The following CAMK4 variants were observed in gnomAD, a reference collection of about 807,000 sequenced individuals.
CAMK4 encodes calcium/calmodulin dependent protein kinase IV, also known as calcium/calmodulin-dependent protein kinase type IV.
CAMK4 carries 22 observed loss-of-function variants against 44.9 expected under a neutral mutation model. That is an observed-to-expected ratio of 0.49 (90% confidence interval 0.35 to 0.70). CAMK4 has a LOEUF of 0.70. CAMK4 is among the 30% of genes least tolerant of loss of function. The probability of loss-of-function intolerance (pLI) is 0.01; values close to 1 mark genes in which losing one functional copy is unlikely to be tolerated. For missense variants in CAMK4, 498 were observed against 586.8 expected (o/e 0.85, Z 1.56); for synonymous variants, 218 against 215.4 (o/e 1.01, Z -0.11).
intron 4 of CAMK4, among the ~76,000 whole-genome samples, chr5:111,381,645 CAGGAACAAT>C (rs1368567159): frequency 2.6e-5 from 4 of 152,188 alleles, no homozygotes; most frequent in Non-Finnish European, 5.9e-5. Context: ...CAGACACACC[CAGGAACAAT>C]ACTTTACATC....
chr5:111,352,666 A>AGAGG (rs1251122355), intron 2 of CAMK4, among the ~76,000 whole-genome samples: 10 of 130,136 alleles, frequency 7.7e-5, no homozygotes, highest in Admixed American at 2.4e-4. Flanking sequence ...AGAGAGAGGG[A>AGAGG]GAGGGAGGGA....
At chr5:111,292,010 T>C (rs1256688693) in intron 1 of CAMK4, among the ~76,000 whole-genome samples, 1 of 152,216 alleles carries the variant, frequency 6.6e-6, no homozygotes, top group African/African-American at 2.4e-5. Context: ...AAAGCCACAA[T>C]GGGTATATAT....
At chr5:111,266,462 CA>C (rs1750251610) in intron 1 of CAMK4, among the ~76,000 whole-genome samples, 1 of 152,170 alleles carries the variant, frequency 6.6e-6, no homozygotes, top group Non-Finnish European at 1.5e-5. Context: ...TATGAATTCT[CA>C]AAATGCCCAC....
At chr5:111,326,975 G>C (rs574820968) in intron 1 of CAMK4, among the ~76,000 whole-genome samples, 2 of 151,752 alleles carry the variant, frequency 1.3e-5, no homozygotes, top group South Asian at 4.2e-4. Flanking sequence ...AAAATAGAAA[G>C]CTGAGTGCTT....
chr5:111,396,102 C>A (rs1337276577), intron 5 of CAMK4, among the ~76,000 whole-genome samples: 2 of 152,030 alleles, frequency 1.3e-5, no homozygotes, highest in Non-Finnish European at 2.9e-5. Context: ...ATCTAACTAG[C>A]CTCTGTACCA....
rs1755899898 is a variant in CAMK4, at chr5:111,492,798, G to T, written c.*8332G>T. 6.6e-6 allele frequency: 1 copy of T among 152,154 alleles called. No homozygotes were observed. The highest frequency in any genetic ancestry group is 2.1e-4 in the South Asian group (1 of 4,832). 9.4% of individuals were successfully genotyped at this position (152,154 alleles called of 1,614,324 possible). On this transcript the variant is annotated 3_prime_UTR_variant, in exon 11 of 11. Coordinates refer to ENST00000282356, the MANE Select transcript of CAMK4 (RefSeq NM_001744.6). ...CCTCCAGGAGTGAGCTTTGTAGTTG[G>T]AGAGAAAAGCCAACCTTATAGATAC...
chr5:111,434,325 T>C (rs1333075560), intron 5 of CAMK4, among the ~76,000 whole-genome samples: 1 of 149,710 alleles, frequency 6.7e-6, no homozygotes, highest in Non-Finnish European at 1.5e-5. Flanking sequence ...CACTAGAGAA[T>C]ATGAAGGGCC....
intron 2 of CAMK4, among the ~76,000 whole-genome samples, chr5:111,369,934 G>T (rs1307835969): frequency 2.0e-5 from 3 of 151,880 alleles, no homozygotes; most frequent in Non-Finnish European, 4.4e-5. Context: ...TCCATCCATG[G>T]TTAGTTGAAT....
chr5:111,368,000 G>A (rs1181668527), intron 2 of CAMK4, among the ~76,000 whole-genome samples: 2 of 151,974 alleles, frequency 1.3e-5, no homozygotes, highest in Non-Finnish European at 2.9e-5. Context: ...TCACTGTGTT[G>A]GGTTTCCCAA....
intron 1 of CAMK4, among the ~76,000 whole-genome samples, chr5:111,321,368 A>G (rs1271990572): frequency 1.3e-5 from 2 of 152,050 alleles, no homozygotes; most frequent in Non-Finnish European, 2.9e-5. Context: ...TTTTTTAAAA[A>G]CCCTGTTCAG....
At chr5:111,297,757 A>G (rs1036993493) in intron 1 of CAMK4, among the ~76,000 whole-genome samples, 16 of 152,166 alleles carry the variant, frequency 1.1e-4, no homozygotes, top group Admixed American at 1.0e-3. Flanking sequence ...TGAATGTTGT[A>G]GTTGTTACAC....
intron 5 of CAMK4, among the ~76,000 whole-genome samples, chr5:111,395,969 T>C (rs1751992033): frequency 6.6e-6 from 1 of 152,132 alleles, no homozygotes; most frequent in Admixed American, 6.6e-5. Flanking sequence ...AAAATCATTA[T>C]CCAATACCTT....
At chr5:111,457,094 T>A (rs964547996) in intron 7 of CAMK4, among the ~76,000 whole-genome samples, 6 of 152,234 alleles carry the variant, frequency 3.9e-5, no homozygotes, top group Non-Finnish European at 7.3e-5. Flanking sequence ...ACAGCCTTTA[T>A]CAGGGGAATT....
chr5:111,427,489 T>A (rs1036775050), intron 5 of CAMK4, among the ~76,000 whole-genome samples: 6 of 152,092 alleles, frequency 3.9e-5, no homozygotes, highest in African/African-American at 1.4e-4. Flanking sequence ...GGTGGCAATT[T>A]TGGACCCGCC....
At chr5:111,250,566 C>A (rs1172595541) in intron 1 of CAMK4, among the ~76,000 whole-genome samples, 1 of 152,178 alleles carries the variant, frequency 6.6e-6, no homozygotes, top group African/African-American at 2.4e-5. Flanking sequence ...CTCCACTTCC[C>A]AGTATACTGT....
intron 1 of CAMK4, among the ~76,000 whole-genome samples, chr5:111,321,915 A>G (rs1286843258): frequency 6.6e-6 from 1 of 152,142 alleles, no homozygotes; most frequent in African/African-American, 2.4e-5. Context: ...TACTCTTAAT[A>G]AATGCATAAA....
chr5:111,224,716 G>A lies in CAMK4; in HGVS notation c.161+72G>A. The A allele has an allele frequency of 1.4e-6, 2 of 1,417,606 alleles. No homozygotes were observed. Among genetic ancestry groups the A allele is most frequent in the East Asian group, 2.5e-5 (1 of 40,022 alleles). The allele number at this position is 1,417,606 out of a possible 1,614,324, so 87.8% of individuals were successfully genotyped here. A position where few individuals can be genotyped will look rare whatever the true frequency, so the allele number is the denominator to read the frequency against. On this transcript the variant is annotated intron_variant, in intron 1 of 10. Coordinates refer to ENST00000282356, the MANE Select transcript of CAMK4 (RefSeq NM_001744.6). This position sits in a 1 kb window ranked among gnomAD's most constrained non-coding sequence, Gnocchi z 5.7. ...GTTGTCCCTCTCGCAGCGACGGCTC[G>A]GAGGGTGCGGGAGCCTGCCTTCGTG...
intron 5 of CAMK4, among the ~76,000 whole-genome samples, chr5:111,442,541 T>TAC (rs1389044491): frequency 5.3e-5 from 7 of 131,834 alleles, no homozygotes; most frequent in South Asian, 4.5e-4. Flanking sequence ...TATATATATA[T>TAC]ATACACACAC....
At chr5:111,433,853 A>C (rs1238579246) in intron 5 of CAMK4, among the ~76,000 whole-genome samples, 4 of 152,144 alleles carry the variant, frequency 2.6e-5, no homozygotes, top group Non-Finnish European at 5.9e-5. Context: ...AAGGGCCTTT[A>C]ATTCTTATAA....
Sources: gnomAD v4.1 joint callset for allele counts (sites outside exome capture counted in the v4.1 genomes callset) on GRCh38, gnomAD v4.1.1 for gene constraint, Gnocchi (gnomAD v3.1) non-coding constraint, MANE v1.5 for transcripts, NCBI Gene and HGNC (gene_info 2026-07-23, HGNC 2026-07-21) for gene names.